The following TPRG1 variants were observed in gnomAD, a reference collection of about 807,000 sequenced individuals.
The protein encoded by TPRG1 is tumor protein p63-regulated gene 1 protein.
A neutral mutation model predicts 29.3 loss-of-function variants in TPRG1; 29 were observed. The observed-to-expected ratio is 0.99, with a 90% CI of 0.74 to 1.35. The LOEUF (loss-of-function observed/expected upper bound fraction) is 1.35, where lower values mean the gene tolerates loss of function less well. Among genes scored for constraint, TPRG1 ranks in the 40% most tolerant of loss-of-function variants. The probability of loss-of-function intolerance (pLI) is 0.00; values close to 1 mark genes in which losing one functional copy is unlikely to be tolerated. For missense variants in TPRG1, 327 were observed against 335.0 expected (o/e 0.98, Z 0.19); for synonymous variants, 130 against 116.8 (o/e 1.11, Z -0.73).
At position 189,207,295 on chromosome 3, in the gene TPRG1, A is replaced by G. The variant is rs1298520388; in HGVS notation, c.-9-81A>G. 9.8e-6 allele frequency: 15 copies of G among 1,532,520 alleles called. No individual in the cohort carries two copies. The Middle Eastern group carries it at 5.3e-4, about 54-fold the overall frequency. 94.9% of individuals were successfully genotyped at this position (1,532,520 alleles called of 1,614,324 possible). A position where few individuals can be genotyped will look rare whatever the true frequency, so the allele number is the denominator to read the frequency against. ...TAAGTTTCAGGAATTCCGTTTGCTCATCATATTCTGTTTTGCCATAGCTAG... is the reference window on the plus strand; with the variant it reads ...TAAGTTTCAGGAATTCCGTTTGCTCGTCATATTCTGTTTTGCCATAGCTAG... On this transcript the variant is annotated intron_variant, in intron 1 of 5. Coordinates refer to ENST00000345063, the MANE Select transcript of TPRG1 (RefSeq NM_198485.4).
At chr3:189,054,538 T>C (rs1177551540) in intron 4 of TPRG1, among the ~76,000 whole-genome samples, 1 of 151,918 alleles carries the variant, frequency 6.6e-6, no homozygotes, top group Non-Finnish European at 1.5e-5. Flanking sequence ...CAAATTTAAA[T>C]GGCAAACTCC....
intron 4 of TPRG1, among the ~76,000 whole-genome samples, chr3:189,070,480 G>T (rs1433789906): frequency 6.6e-6 from 1 of 152,176 alleles, no homozygotes; most frequent in Non-Finnish European, 1.5e-5. Context: ...TTGCCAGTTC[G>T]TATCAATGTC....
At chr3:189,307,790 T>C (rs560569316) in intron 4 of TPRG1, among the ~76,000 whole-genome samples, 1 of 152,328 alleles carries the variant, frequency 6.6e-6, no homozygotes, top group African/African-American at 2.4e-5. Flanking sequence ...CCAAGAGCCC[T>C]TCTAGCTCTG....
intron 3 of TPRG1, among the ~76,000 whole-genome samples, chr3:189,236,921 T>C (rs754297370): frequency 6.6e-5 from 10 of 152,216 alleles, no homozygotes; most frequent in Non-Finnish European, 1.2e-4. Context: ...CCCAAGTCAC[T>C]TAGTGACACA....
chr3:189,218,779 G>A (rs1385527249), intron 3 of TPRG1, among the ~76,000 whole-genome samples: 1 of 152,176 alleles, frequency 6.6e-6, no homozygotes, highest in African/African-American at 2.4e-5. Context: ...TTCGTCTTGA[G>A]GCTGATTGGG....
chr3:189,251,495 C>T (rs1385436791), intron 4 of TPRG1, among the ~76,000 whole-genome samples: 15 of 152,024 alleles, frequency 9.9e-5, no homozygotes, highest in Admixed American at 9.8e-4. Context: ...AGGGGACCAG[C>T]GTTCAGCATA....
Position 189,223,151 on chromosome 3 carries a change from G to A in TPRG1, c.302+7768G>A, listed in dbSNP as rs532107559. Among the ~76,000 whole-genome samples the A allele has an allele frequency of 2.6e-5, 4 of 152,214 alleles. No homozygotes were observed. The South Asian group carries it at 6.2e-4, about 24-fold the overall frequency. On this transcript the variant is annotated intron_variant, in intron 3 of 5. Transcript: ENST00000345063. Reference sequence around the variant, plus strand: ...TTAGTACAGTGTGTGGCACATGATTGGGCTCAGAACTTACCACACACTTGG... The same window carrying A: ...TTAGTACAGTGTGTGGCACATGATTAGGCTCAGAACTTACCACACACTTGG...
chr3:189,000,376 C>T (rs1217995320), intron 1 of TPRG1, among the ~76,000 whole-genome samples: 1 of 151,818 alleles, frequency 6.6e-6, no homozygotes, highest in Non-Finnish European at 1.5e-5. Flanking sequence ...TAAATTTATA[C>T]CATAGATATT....
At chr3:189,122,935 T>G (rs1722004685) in intron 1 of TPRG1, among the ~76,000 whole-genome samples, 1 of 152,240 alleles carries the variant, frequency 6.6e-6, no homozygotes, top group Non-Finnish European at 1.5e-5. Context: ...GCTCTTATTA[T>G]GTGCCAGGCA....
chr3:189,148,542 G>T (rs1458370405), intron 4 of TPRG1, among the ~76,000 whole-genome samples: 2 of 152,164 alleles, frequency 1.3e-5, no homozygotes, highest in Non-Finnish European at 2.9e-5. Flanking sequence ...GCACATCATG[G>T]GTCATTGCAT....
At chr3:189,158,917 G>GT (rs933197668) in intron 5 of TPRG1, among the ~76,000 whole-genome samples, 89 of 147,782 alleles carry the variant, frequency 6.0e-4, no homozygotes, top group Middle Eastern at 3.5e-3. Flanking sequence ...AGCTCATCAA[G>GT]TTTTTTTTTT....
intron 4 of TPRG1, among the ~76,000 whole-genome samples, chr3:189,067,233 A>G (rs1716511158): frequency 6.6e-6 from 1 of 152,204 alleles, no homozygotes; most frequent in Non-Finnish European, 1.5e-5. Flanking sequence ...TATTGTTATA[A>G]TGTTCATACT....
chr3:189,088,794 G>C (rs1718135286), intron 4 of TPRG1, among the ~76,000 whole-genome samples: 1 of 152,078 alleles, frequency 6.6e-6, no homozygotes, highest in Admixed American at 6.6e-5. Flanking sequence ...CTTGAATTAG[G>C]AGGTCAAATT....
chr3:189,042,116 G>T (rs762733462), intron 4 of TPRG1, among the ~76,000 whole-genome samples: 1 of 151,692 alleles, frequency 6.6e-6, no homozygotes, highest in Non-Finnish European at 1.5e-5. Context: ...TCCTTAAGAA[G>T]CCCTAAACAT....
In TPRG1 at chr3:189,019,169, G is replaced by T. The variant is rs62291214; in HGVS notation, c.-659-4581G>T. Among the ~76,000 whole-genome samples, 602 of 150,484 alleles carry T rather than the reference G, an allele frequency of 4.0e-3. 7 individuals carry two copies. The Middle Eastern group carries it at 0.041, about 10-fold the overall frequency. On this transcript the variant is annotated intron_variant, in intron 3 of 10. Transcript: ENST00000433971. ...GGTTTTCTAGATATACAATCATGTC[G>T]TCTGCAAACAGGGACAATTTGACTT...
intron 5 of TPRG1, among the ~76,000 whole-genome samples, chr3:189,154,935 G>A (rs973800165): frequency 2.0e-5 from 3 of 152,228 alleles, no homozygotes; most frequent in Non-Finnish European, 2.9e-5. Context: ...GGCAGTCAAA[G>A]TAGTCCCTGC....
At chr3:189,002,497 G>A (rs1481458632) in intron 2 of TPRG1, among the ~76,000 whole-genome samples, 1 of 152,106 alleles carries the variant, frequency 6.6e-6, no homozygotes, top group Non-Finnish European at 1.5e-5. Flanking sequence ...AGTTTCTAGA[G>A]TCATACTATG....
intron 4 of TPRG1, among the ~76,000 whole-genome samples, chr3:189,086,776 C>G (rs1717973127): frequency 1.3e-5 from 2 of 152,066 alleles, no homozygotes; most frequent in Admixed American, 1.3e-4. Context: ...TTTGTTCTTG[C>G]AATAGTTTGC....
chr3:189,118,613 G>A (rs1317781021), intron 1 of TPRG1, among the ~76,000 whole-genome samples: 1 of 152,180 alleles, frequency 6.6e-6, no homozygotes, highest in African/African-American at 2.4e-5. Flanking sequence ...TTGAAACATG[G>A]TGCTCTGCAT....
Sources: gnomAD v4.1 joint callset for allele counts (sites outside exome capture counted in the v4.1 genomes callset) on GRCh38, gnomAD v4.1.1 for gene constraint, MANE v1.5 for transcripts, NCBI Gene and HGNC (gene_info 2026-07-23, HGNC 2026-07-21) for gene names.